Variants in RNF213 observed in about 807,000 individuals in gnomAD.
RNF213 encodes the protein ring finger protein 213.
A neutral mutation model predicts 514.4 loss-of-function variants in RNF213; 341 were observed. The observed-to-expected ratio is 0.66, with a 90% CI of 0.61 to 0.73. RNF213 has a LOEUF of 0.73. Ranked by LOEUF, RNF213 falls within the 30% of genes least tolerant of loss-of-function variation. RNF213 has a pLI of 0.00. For missense variants in RNF213, 5,767 were observed against 6,615.6 expected, an observed-to-expected ratio of 0.87 and a Z score of 4.45; for synonymous variants, 2,655 against 2,658.2, an observed-to-expected ratio of 1.00 and a Z score of 0.04.
intron 13 of RNF213, 76 bp from the exon 14 acceptor site, chr17:80,308,942 C>A: frequency 6.5e-7 from 1 of 1,549,258 alleles, no homozygotes. Flanking sequence ...AAGGAAGGAG[C>A]TAGTCATCAA....
intron 58 of RNF213, 93 bp from the exon 59 acceptor site, chr17:80,383,584 T>C (rs1227363950): frequency 6.0e-6 from 8 of 1,340,362 alleles, no homozygotes; most frequent in African/African-American, 2.9e-5. Context: ...CGCCCTAATA[T>C]GCAGACACCC....
At chr17:80,385,668 G>C (rs749963950) in intron 61 of RNF213, 47 bp downstream of exon 61, 1 of 1,515,774 alleles carries the variant, frequency 6.6e-7, no homozygotes, top group Admixed American at 1.7e-5. Flanking sequence ...GGAGAGCCTC[G>C]TCTGAAAGCT....
intron 8 of RNF213, 61 bp downstream of exon 8, chr17:80,291,888 T>G: frequency 1.4e-3 from 1,898 of 1,377,214 alleles, no homozygotes; most frequent in Non-Finnish European, 1.8e-3. Flanking sequence ...AATCCCGCGG[T>G]ACTGGACGCG....
intron 20 of RNF213, among the ~76,000 whole-genome samples, chr17:80,329,341 G>A (rs578245203): frequency 4.0e-4 from 61 of 152,352 alleles, no homozygotes; most frequent in Non-Finnish European, 8.1e-4. Flanking sequence ...ATTACAGACC[G>A]GAAGTCATTT....
rs760817075 is a variant in RNF213 at position 80,348,127 on chromosome 17, C to T, written c.9792C>T (p.Pro3264=). 3.5e-5 allele frequency: 57 copies of T among 1,613,972 alleles called. 2 individuals carry two copies. The Admixed American group carries it at 4.5e-4, about 13-fold the overall frequency. ...CGATCCTGCTGAACTGCGCTACGCC[C>T]GATGCCGTGGTCCGGCTGAGCGCCT... ...AKSILLNCAT[P]DAVVRLSAYS... Residue 3264 remains proline (P), a synonymous_variant, in exon 29 of 68, where the codon CCC becomes CCT. Coordinates refer to ENST00000582970, the MANE Select transcript of RNF213 (RefSeq NM_001256071.3).
In RNF213 at chr17:80,347,382, A is replaced by C. The variant is rs1278163479; in HGVS notation, c.9047A>C (p.Gln3016Pro). The stretch of plus-strand genomic sequence containing the variant: ...TGCTCAGAGGAAGTCAGCCCCATGC[A>C]GCTGATCAAACAGAACATCTTTGGG... ...AKCSEEVSPM[Q>P]LIKQNIFGPS... is the part of the protein sequence containing the mutation. Residue 3016 changes from glutamine to proline, a missense_variant, in exon 29 of 68, where the codon CAG becomes CCG. Physicochemically the swap from Gln to Pro is moderately conservative, Grantham distance 76 (BLOSUM62 -1). This residue lies in a region of RNF213 where 919 missense variants were observed against 1,121.0 expected (regional missense o/e 0.82). Transcript: ENST00000582970. This position sits in a 1 kb window ranked among gnomAD's most constrained non-coding sequence, Gnocchi z 7.2. 1 of 1,613,962 alleles carries C rather than the reference A, an allele frequency of 6.2e-7. No homozygotes were observed. The highest frequency in any genetic ancestry group is 8.5e-7 in the Non-Finnish European group (1 of 1,180,022).
rs555664784 is a variant in RNF213 at position 80,353,763 on chromosome 17, G to A, written c.10578+97G>A. On this transcript the variant is annotated intron_variant, in intron 34 of 67. Transcript: ENST00000582970. The surrounding 1 kb of genome is among the most constrained non-coding windows in gnomAD (Gnocchi z 5.0). ...TGCATTGGGAGCTAGAGGAGTCGCCGCCGCTGTGCAGGGGTGAGGATGGCG... is the reference window on the plus strand; with the variant it reads ...TGCATTGGGAGCTAGAGGAGTCGCCACCGCTGTGCAGGGGTGAGGATGGCG... 201 of 1,526,810 alleles carry A rather than the reference G, an allele frequency of 1.3e-4. No individual in the cohort carries two copies. In the African/African-American group the frequency reaches 2.5e-3, roughly 19 times the overall value. The allele number at this position is 1,526,810 out of a possible 1,614,324, so 94.6% of individuals were successfully genotyped here.
rs1187730653 is a variant in RNF213 at position 80,383,019 on chromosome 17, G to C, written c.14019G>C (p.Met4673Ile). ...ACACAGAATTGTCAACTAAAGAAATGAGGAACAACTGGGAAAAGGAAATCG... is the reference window on the plus strand; with the variant it reads ...ACACAGAATTGTCAACTAAAGAAATCAGGAACAACTGGGAAAAGGAAATCG... ...NFDTELSTKE[M>I]RNNWEKEIAA... Residue 4673 changes from methionine to isoleucine, a missense_variant, in exon 58 of 68, where the codon ATG becomes ATC. This residue lies in a region of RNF213 where 1,245 missense variants were observed against 1,339.0 expected (regional missense o/e 0.93). Transcript: ENST00000582970. 3 of 1,614,020 alleles carry C rather than the reference G, an allele frequency of 1.9e-6. No homozygotes were observed. The highest frequency in any genetic ancestry group is 2.5e-6 in the Non-Finnish European group (3 of 1,179,924).
intron 14 of RNF213, among the ~76,000 whole-genome samples, chr17:80,310,314 G>A (rs138588912): frequency 0.027 from 4,073 of 152,050 alleles, 84 homozygotes; most frequent in Middle Eastern, 0.051. Flanking sequence ...GTGTAGTGGC[G>A]CCATCTCAGC....
At chr17:80,383,301 A>G (rs1322453732) in intron 58 of RNF213, among the ~76,000 whole-genome samples, 2 of 152,214 alleles carry the variant, frequency 1.3e-5, no homozygotes, top group Non-Finnish European at 2.9e-5. Flanking sequence ...ATTCCTGGGA[A>G]TCCAGCAAGT....
intron 57 of RNF213, chr17:80,382,749 GATTACA>G (rs1435090754): frequency 4.5e-6 from 2 of 444,662 alleles, no homozygotes; most frequent in Non-Finnish European, 8.3e-6. Context: ...ATGGGTCTAA[GATTACA>G]ATTATGTAGG....
intron 3 of RNF213, 62 bp from the exon 4 acceptor site, chr17:80,287,753 G>A: frequency 6.4e-7 from 1 of 1,567,902 alleles, no homozygotes; most frequent in Non-Finnish European, 8.8e-7. Flanking sequence ...AAGTTGGAGG[G>A]AAACACGGGC....
Position 80,298,408 on chromosome 17 carries a change from C to T in RNF213, c.2100C>T (p.Cys700=). ...TWLGALPVLH[C]CMELAPRHKD... The stretch of plus-strand genomic sequence containing the variant: ...TGGGCGCCCTGCCTGTCCTGCACTG[C>T]TGTATGGAGCTGGCCCCGCGGCACA... Residue 700 remains cysteine (C), a synonymous_variant, in exon 11 of 68, where the codon TGC becomes TGT. Transcript: ENST00000582970. 2 of 1,614,206 alleles carry T rather than the reference C, an allele frequency of 1.2e-6. No individual in the cohort carries two copies. The highest frequency in any genetic ancestry group is 1.7e-6 in the Non-Finnish European group (2 of 1,180,038).
Position 80,263,772 on chromosome 17 carries a change from A to C in RNF213, c.91A>C (p.Ile31Leu), listed in dbSNP as rs1332140710. ...AGAGAGGCTGCCTCCTGCAGCCCCC[A>C]TAGCAGGTGAGGCCCAGGGGTGCTG... ...CGERLPPAAP[I>L]ADSENNNSTM... Residue 31 changes from isoleucine to leucine, a missense_variant, in exon 2 of 68, where the codon ATA (isoleucine) becomes CTA (leucine). Around this residue, in one of 13 missense-constraint regions of RNF213, gnomAD observed 509 missense variants for 496.7 expected, o/e 1.02. Transcript: ENST00000582970. This position sits in a 1 kb window ranked among gnomAD's most constrained non-coding sequence, Gnocchi z 4.9. 2 of 1,613,792 alleles carry C rather than the reference A, an allele frequency of 1.2e-6. No individual in the cohort carries two copies. Among genetic ancestry groups the C allele is most frequent in the Non-Finnish European group, 1.7e-6 (2 of 1,179,772 alleles).
In RNF213 at chr17:80,398,757, G is replaced by A. The variant is rs1402095054; in HGVS notation, c.*5259G>A. The A allele has an allele frequency of 6.6e-6, 1 of 151,512 alleles. No individual in the cohort carries two copies. Among genetic ancestry groups the A allele is most frequent in the South Asian group, 2.1e-4 (1 of 4,802 alleles). The allele number at this position is 151,512 out of a possible 1,614,324, so 9.4% of individuals were successfully genotyped here. The stretch of plus-strand genomic sequence containing the variant: ...ACAGAGGCAAAAGGAAAGTCAAAGA[G>A]AAAGAGACAGAAAATCAAGAGGAAA... On this transcript the variant is annotated 3_prime_UTR_variant, in exon 68 of 68. Transcript: ENST00000582970.
intron 2 of RNF213, among the ~76,000 whole-genome samples, chr17:80,268,354 G>GAA (rs898719348): frequency 4.0e-4 from 29 of 73,170 alleles, no homozygotes; most frequent in Non-Finnish European, 5.4e-4. Flanking sequence ...CCCTGTCTCA[G>GAA]AAAAAAAAAA....
intron 17 of RNF213, among the ~76,000 whole-genome samples, chr17:80,323,068 A>G (rs1404472384): frequency 6.6e-6 from 1 of 152,120 alleles, no homozygotes; most frequent in Non-Finnish European, 1.5e-5. Flanking sequence ...TATGGTGTAT[A>G]TGGTGTGAGG....
intron 11 of RNF213, chr17:80,298,811 CAAAA>C (rs71365598): frequency 3.1e-4 from 68 of 222,500 alleles, no homozygotes; most frequent in Non-Finnish European, 4.3e-4. Context: ...CGAAAAATAC[CAAAA>C]AAAAAAAAAA....
At chr17:80,322,004 G>A (rs767963102) in intron 17 of RNF213, among the ~76,000 whole-genome samples, 9 of 152,226 alleles carry the variant, frequency 5.9e-5, no homozygotes, top group Admixed American at 1.3e-4. Context: ...GATTACAGGC[G>A]TGAGCCACTG....
Sources: allele counts gnomAD v4.1 joint callset (sites outside exome capture counted in the v4.1 genomes callset), GRCh38; gene constraint gnomAD v4.1.1; regional missense constraint gnomAD v4.1.1; non-coding constraint Gnocchi (gnomAD v3.1); transcripts MANE v1.5; gene names NCBI Gene and HGNC (gene_info 2026-07-23, HGNC 2026-07-21).